The following KCNIP4 variants were observed in gnomAD, a reference collection of about 807,000 sequenced individuals.
KCNIP4 encodes Kv channel-interacting protein 4.
A neutral mutation model predicts 34.0 loss-of-function variants in KCNIP4; 12 were observed. The ratio of observed to expected loss-of-function variants is 0.35; its 90% confidence interval spans 0.23 to 0.57. The LOEUF is 0.57. Among genes scored for constraint, KCNIP4 ranks in the 20% least tolerant of loss-of-function variants. The pLI, the probability that KCNIP4 is intolerant of heterozygous loss-of-function variation, is 0.83. For synonymous variants in KCNIP4, 124 were observed against 102.2 expected, an observed-to-expected ratio of 1.21 and a Z score of -1.29; for missense variants, 238 against 311.7, an observed-to-expected ratio of 0.76 and a Z score of 1.78.
chr4:20,743,139 C>G (rs1177669449), intron 5 of KCNIP4, among the ~76,000 whole-genome samples: 1 of 151,846 alleles, frequency 6.6e-6, no homozygotes, highest in Non-Finnish European at 1.5e-5. Context: ...AATGGAAGAA[C>G]ATTCCATGTT....
At chr4:21,392,221 A>G (rs749009993) in intron 1 of KCNIP4, among the ~76,000 whole-genome samples, 14 of 152,152 alleles carry the variant, frequency 9.2e-5, no homozygotes, top group Admixed American at 2.0e-4. Context: ...AAACAATGCA[A>G]CCCAAATGGG....
chr4:21,177,274 GGAA>G (rs1412155404), intron 1 of KCNIP4, among the ~76,000 whole-genome samples: 5 of 152,040 alleles, frequency 3.3e-5, no homozygotes, highest in Non-Finnish European at 7.4e-5. Context: ...CTAAATTTAA[GGAA>G]GAAGAATTGC....
intron 1 of KCNIP4, among the ~76,000 whole-genome samples, chr4:21,349,519 A>G (rs961666155): frequency 6.6e-6 from 1 of 152,188 alleles, no homozygotes; most frequent in African/African-American, 2.4e-5. Flanking sequence ...ATAAACCTTT[A>G]ATGAAGCCGT....
intron 3 of KCNIP4, among the ~76,000 whole-genome samples, chr4:20,801,745 T>C (rs1308788740): frequency 1.3e-5 from 2 of 151,846 alleles, no homozygotes; most frequent in Non-Finnish European, 2.9e-5. Context: ...TATACCACAA[T>C]GATAGACAAC....
At chr4:21,274,473 T>C (rs1303688014) in intron 1 of KCNIP4, among the ~76,000 whole-genome samples, 1 of 152,138 alleles carries the variant, frequency 6.6e-6, no homozygotes, top group African/African-American at 2.4e-5. Flanking sequence ...TAAGAGGAAA[T>C]TGAGAACACT....
chr4:21,865,081 CTT>C (rs368547106), intron 1 of KCNIP4, among the ~76,000 whole-genome samples: 3 of 151,040 alleles, frequency 2.0e-5, no homozygotes, highest in Non-Finnish European at 4.4e-5. Context: ...TATTGCCTCT[CTT>C]TTTTTTTCTG....
chr4:20,729,707 AATCCTAGGACTGAAT>A lies in KCNIP4; in HGVS notation c.*360_*374del, dbSNP rs372306746. The A allele has an allele frequency of 1.8e-5, 3 of 166,842 alleles. No individual in the cohort carries two copies. The highest frequency in any genetic ancestry group is 7.1e-5 in the African/African-American group (3 of 42,070). 10.3% of individuals were successfully genotyped at this position (166,842 alleles called of 1,614,324 possible). Reference sequence around the variant, plus strand: ...GTCACTATATTAGAAAACCATTCAAAATCCTAGGACTGAATACATACAAATGAGTAGCAAAAAACA... The same window carrying A: ...GTCACTATATTAGAAAACCATTCAAAACATACAAATGAGTAGCAAAAAACA... On this transcript the variant is annotated 3_prime_UTR_variant, in exon 9 of 9. Transcript: ENST00000382152.
At chr4:21,221,803 T>C (rs1343556405) in intron 1 of KCNIP4, among the ~76,000 whole-genome samples, 1 of 152,142 alleles carries the variant, frequency 6.6e-6, no homozygotes, top group Non-Finnish European at 1.5e-5. Context: ...GGAAAAGGGC[T>C]CAGAGAAATA....
At chr4:20,817,095 TAATGTCACA>T (rs139643118) in intron 3 of KCNIP4, among the ~76,000 whole-genome samples, 3,045 of 152,162 alleles carry the variant, frequency 0.02, 30 homozygotes, top group Non-Finnish European at 0.027. Flanking sequence ...GCTGAGAAAA[TAATGTCACA>T]AAGGTTCAGT....
chr4:21,651,993 T>C (rs866892086), intron 1 of KCNIP4, among the ~76,000 whole-genome samples: 2 of 152,188 alleles, frequency 1.3e-5, no homozygotes, highest in Non-Finnish European at 2.9e-5. Flanking sequence ...TATAGTCCTC[T>C]TAATATTACT....
intron 1 of KCNIP4, among the ~76,000 whole-genome samples, chr4:21,862,970 A>G (rs1220658060): frequency 2.0e-5 from 3 of 151,790 alleles, no homozygotes; most frequent in Non-Finnish European, 2.9e-5. Flanking sequence ...CAAAAAAAGA[A>G]AAAAAAAGAA....
chr4:21,771,216 G>A (rs1028920549), intron 1 of KCNIP4, among the ~76,000 whole-genome samples: 1 of 152,100 alleles, frequency 6.6e-6, no homozygotes, highest in African/African-American at 2.4e-5. Context: ...CCCATTGCTT[G>A]TTTTTGTCAC....
intron 1 of KCNIP4, among the ~76,000 whole-genome samples, chr4:21,735,758 C>A (rs563751188): frequency 1.3e-5 from 2 of 152,240 alleles, no homozygotes; most frequent in African/African-American, 4.8e-5. Context: ...AAATCTGTCA[C>A]GCGAAGAATG....
intron 3 of KCNIP4, among the ~76,000 whole-genome samples, chr4:20,774,818 G>A (rs1466137990): frequency 2.0e-5 from 3 of 152,200 alleles, no homozygotes; most frequent in African/African-American, 7.2e-5. Context: ...ATGTGCCTGG[G>A]GAGTGTGGTC....
intron 1 of KCNIP4, among the ~76,000 whole-genome samples, chr4:21,204,329 A>G (rs1756698129): frequency 6.6e-6 from 1 of 152,136 alleles, no homozygotes; most frequent in South Asian, 2.1e-4. Context: ...CTTGAGACTT[A>G]GTTTGTTTCT....
At position 21,085,959 on chromosome 4, in the gene KCNIP4, AC is replaced by A. The variant is rs201912392; in HGVS notation, c.62-203251del. ...TGAACAAGATGAGGGAATTCCAACC[AC>A]ATCACTCCAGGCCAGGAGGCTGAAT... On this transcript the variant is annotated intron_variant, in intron 1 of 8. Transcript: ENST00000382152. Among the ~76,000 whole-genome samples, 985 of 152,274 alleles carry A rather than the reference AC, an allele frequency of 6.5e-3. 6 individuals are homozygous for A. Among genetic ancestry groups the A allele is most frequent in the African/African-American group, 0.021 (875 of 41,538 alleles).
chr4:20,966,511 G>C (rs1028300481), intron 1 of KCNIP4, among the ~76,000 whole-genome samples: 1 of 152,072 alleles, frequency 6.6e-6, no homozygotes, highest in African/African-American at 2.4e-5. Context: ...GAAAAAACTT[G>C]AGCTCTAACT....
chr4:21,827,456 T>C (rs1722741170), intron 1 of KCNIP4, among the ~76,000 whole-genome samples: 1 of 152,046 alleles, frequency 6.6e-6, no homozygotes, highest in Non-Finnish European at 1.5e-5. Context: ...TAAAAATTTC[T>C]AATGTACTGA....
At chr4:21,008,541 T>TTG (rs11428863) in intron 1 of KCNIP4, among the ~76,000 whole-genome samples, 2 of 151,986 alleles carry the variant, frequency 1.3e-5, no homozygotes, top group Non-Finnish European at 2.9e-5. Flanking sequence ...TGTTTTTTTT[T>TTG]GAGACGGAGT....
Sources: gnomAD v4.1 joint callset for allele counts (sites outside exome capture counted in the v4.1 genomes callset) on GRCh38, gnomAD v4.1.1 for gene constraint, MANE v1.5 for transcripts, NCBI Gene and HGNC (gene_info 2026-07-23, HGNC 2026-07-21) for gene names.